The following MAGI2 variants were observed in gnomAD, a reference collection of about 807,000 sequenced individuals.
MAGI2 encodes the protein membrane-associated guanylate kinase, WW and PDZ domain-containing protein 2.
In MAGI2, 35 loss-of-function variants were observed where a neutral mutation model predicts 133.3. The observed-to-expected ratio is 0.26, with a 90% CI of 0.20 to 0.35. MAGI2 has a LOEUF of 0.35. MAGI2 is among the 10% of genes least tolerant of loss of function. MAGI2 has a pLI of 1.00. For missense variants in MAGI2, 1,636 were observed against 1,863.4 expected (o/e 0.88, Z 2.25); for synonymous variants, 729 against 710.6 (o/e 1.03, Z -0.41).
chr7:78,589,570 C>A (rs1026439527), intron 3 of MAGI2, among the ~76,000 whole-genome samples: 2 of 152,054 alleles, frequency 1.3e-5, no homozygotes, highest in Admixed American at 1.3e-4. Flanking sequence ...GCTTTCCGAC[C>A]CTAATTCCGT....
In MAGI2 at chr7:79,261,590, A is replaced by G. The variant is rs118087306; in HGVS notation, c.301+191430T>C. 7.2e-5 allele frequency among the ~76,000 whole-genome samples: 11 copies of G among 151,960 alleles called. No homozygotes were observed. In the East Asian group the frequency reaches 2.1e-3, roughly 29 times the overall value. On this transcript the variant is annotated intron_variant, in intron 1 of 21. Transcript: ENST00000354212. The stretch of plus-strand genomic sequence containing the variant: ...TCTGACCCCTTTATGTAATGTTTCT[A>G]CCCATCTCCCCACACACAAGCATGC...
At chr7:78,827,049 C>G (rs564660601) in intron 2 of MAGI2, among the ~76,000 whole-genome samples, 14 of 152,008 alleles carry the variant, frequency 9.2e-5, no homozygotes, top group African/African-American at 2.7e-4. Context: ...CATATAGATA[C>G]AGATACATAT....
At chr7:79,004,229 G>A (rs1807195498) in intron 2 of MAGI2, among the ~76,000 whole-genome samples, 1 of 152,038 alleles carries the variant, frequency 6.6e-6, no homozygotes, top group Non-Finnish European at 1.5e-5. Context: ...AGGGACAAAT[G>A]GATACATAAA....
intron 9 of MAGI2, among the ~76,000 whole-genome samples, chr7:78,326,338 T>C (rs1170752843): frequency 6.6e-6 from 1 of 152,248 alleles, no homozygotes; most frequent in Middle Eastern, 3.2e-3. Context: ...TCTCTCCACA[T>C]GACATCTCCT....
chr7:78,250,282 G>A (rs1044187741), intron 10 of MAGI2, among the ~76,000 whole-genome samples: 1 of 151,972 alleles, frequency 6.6e-6, no homozygotes, highest in African/African-American at 2.4e-5. Context: ...ATAATACACA[G>A]TTTTCTAAGT....
chr7:78,847,877 G>A (rs1319907701), intron 2 of MAGI2, among the ~76,000 whole-genome samples: 2 of 151,882 alleles, frequency 1.3e-5, no homozygotes, highest in African/African-American at 2.4e-5. Flanking sequence ...GGGATTTTGT[G>A]CTTTGTTCAC....
At chr7:78,303,085 G>A (rs1378858195) in intron 9 of MAGI2, among the ~76,000 whole-genome samples, 1 of 152,056 alleles carries the variant, frequency 6.6e-6, no homozygotes, top group Non-Finnish European at 1.5e-5. Context: ...CCTTGCTAAA[G>A]AGCTCCCCAC....
intron 1 of MAGI2, among the ~76,000 whole-genome samples, chr7:79,447,238 A>T (rs992045711): frequency 6.6e-6 from 1 of 152,178 alleles, no homozygotes; most frequent in Non-Finnish European, 1.5e-5. Context: ...GTCCCTATGC[A>T]AGTCTTTAAC....
chr7:78,455,177 C>A (rs936638694), intron 6 of MAGI2, among the ~76,000 whole-genome samples: 1 of 130,782 alleles, frequency 7.6e-6, no homozygotes, highest in East Asian at 2.2e-4. Context: ...GAGGGTGGGG[C>A]AGGTATATGG....
At chr7:78,465,577 G>T (rs1012010323) in intron 6 of MAGI2, among the ~76,000 whole-genome samples, 1 of 152,174 alleles carries the variant, frequency 6.6e-6, no homozygotes, top group Non-Finnish European at 1.5e-5. Context: ...ATACCTTTAA[G>T]TTATTTTGCC....
At chr7:78,873,914 G>T (rs1359759762) in intron 2 of MAGI2, among the ~76,000 whole-genome samples, 1 of 149,208 alleles carries the variant, frequency 6.7e-6, no homozygotes, top group African/African-American at 2.5e-5. Context: ...ATGTAGAAAA[G>T]AAAAAAAAAG....
intron 20 of MAGI2, among the ~76,000 whole-genome samples, chr7:78,108,393 A>G (rs1818909156): frequency 6.6e-6 from 1 of 152,236 alleles, no homozygotes; most frequent in Non-Finnish European, 1.5e-5. Flanking sequence ...GTGGCCTAAC[A>G]TATGGTCTAT....
At chr7:78,124,341 G>T (rs17594541) in intron 20 of MAGI2, among the ~76,000 whole-genome samples, 1 of 152,158 alleles carries the variant, frequency 6.6e-6, no homozygotes, top group South Asian at 2.1e-4. Flanking sequence ...GCTAGATCAC[G>T]GGGAGGGCTG....
chr7:79,126,638 G>T (rs1820428876), intron 1 of MAGI2, among the ~76,000 whole-genome samples: 1 of 151,784 alleles, frequency 6.6e-6, no homozygotes, highest in South Asian at 2.1e-4. Flanking sequence ...CTTTGAGTTG[G>T]GTTTCATTCA....
chr7:78,316,609 C>G (rs755440780), intron 9 of MAGI2, among the ~76,000 whole-genome samples: 5 of 152,150 alleles, frequency 3.3e-5, no homozygotes, highest in Non-Finnish European at 7.4e-5. Flanking sequence ...ATTTTGTTTT[C>G]TTTCCTTTTG....
intron 2 of MAGI2, among the ~76,000 whole-genome samples, chr7:78,977,834 A>C (rs888348551): frequency 1.7e-4 from 26 of 151,812 alleles, no homozygotes; most frequent in African/African-American, 5.8e-4. Context: ...ATCTCTTAAA[A>C]CACAACAATA....
At chr7:78,655,811 C>T (rs1308879858) in intron 2 of MAGI2, among the ~76,000 whole-genome samples, 1 of 151,810 alleles carries the variant, frequency 6.6e-6, no homozygotes, top group Non-Finnish European at 1.5e-5. Flanking sequence ...GAAACCCTGT[C>T]TCTACTAAAA....
chr7:78,643,785 T>C (rs973109787), intron 2 of MAGI2, among the ~76,000 whole-genome samples: 7 of 152,044 alleles, frequency 4.6e-5, no homozygotes, highest in Non-Finnish European at 8.8e-5. Context: ...TCTTACCCTA[T>C]ATATGAAGTG....
rs943715395 is a variant in MAGI2 at position 79,210,877 on chromosome 7, A to G, written c.302-203671T>C. On this transcript the variant is annotated intron_variant, in intron 1 of 21. Transcript: ENST00000354212. The stretch of plus-strand genomic sequence containing the variant: ...GTCTAATTGGCATCATCCACCTTTC[A>G]CTTCTTTCACTGTTGAATACATCAT... Among the ~76,000 whole-genome samples the G allele has an allele frequency of 4.6e-5, 7 of 152,000 alleles. 1 individual carries two copies. The highest frequency in any genetic ancestry group is 1.7e-4 in the African/African-American group (7 of 41,280).
Sources: gnomAD v4.1 joint callset for allele counts (sites outside exome capture counted in the v4.1 genomes callset) on GRCh38, gnomAD v4.1.1 for gene constraint, MANE v1.5 for transcripts, NCBI Gene and HGNC (gene_info 2026-07-23, HGNC 2026-07-21) for gene names.